The following PRPH2 variants were observed in gnomAD, a reference collection of about 807,000 sequenced individuals.
The protein encoded by PRPH2 is peripherin 2.
A neutral mutation model predicts 31.3 loss-of-function variants in PRPH2; 17 were observed. The observed-to-expected ratio is 0.54, with a 90% CI of 0.37 to 0.81. PRPH2 has a LOEUF of 0.81. Among genes scored for constraint, PRPH2 ranks in the 40% least tolerant of loss-of-function variants. The probability of loss-of-function intolerance (pLI) is 0.00; values close to 1 mark genes in which losing one functional copy is unlikely to be tolerated. For missense variants in PRPH2, 430 were observed against 439.7 expected (o/e 0.98, Z 0.20); for synonymous variants, 165 against 184.4 (o/e 0.89, Z 0.85).
chr6:42,703,154 C>T (rs986128050), intron 2 of PRPH2, among the ~76,000 whole-genome samples: 2 of 146,172 alleles, frequency 1.4e-5, no homozygotes, highest in African/African-American at 5.1e-5. Context: ...CGATCATGCC[C>T]CTGCACTCCA....
chr6:42,704,771 G>A (rs758099033), intron 1 of PRPH2, among the ~76,000 whole-genome samples, 160 bp from the exon 2 acceptor site: 2 of 152,198 alleles, frequency 1.3e-5, no homozygotes, highest in South Asian at 2.1e-4. Context: ...TGTTCTAGGC[G>A]CTGAAGACAA....
chr6:42,708,678 C>T (rs906434761), intron 1 of PRPH2, among the ~76,000 whole-genome samples: 1 of 152,204 alleles, frequency 6.6e-6, no homozygotes, highest in Admixed American at 6.5e-5. Context: ...GTCCCTGGAG[C>T]CTTCCCCTCA....
At chr6:42,701,067 C>T (rs2152004417) in intron 2 of PRPH2, among the ~76,000 whole-genome samples, 1 of 151,658 alleles carries the variant, frequency 6.6e-6, no homozygotes, top group East Asian at 1.9e-4. Context: ...GCCTTGACCT[C>T]CAGGGCTCAG....
rs1761926203 is a variant in PRPH2 at position 42,722,523 on chromosome 6, G to A, written c.-189C>T. 4 of 1,464,468 alleles carry A rather than the reference G, an allele frequency of 2.7e-6. No individual in the cohort carries two copies. The highest frequency in any genetic ancestry group is 2.8e-5 in the South Asian group (2 of 72,162). 90.7% of individuals were successfully genotyped at this position (1,464,468 alleles called of 1,614,324 possible). A position where few individuals can be genotyped will look rare whatever the true frequency, so the allele number is the denominator to read the frequency against. On this transcript the variant is annotated 5_prime_UTR_variant, in exon 1 of 3. Transcript: ENST00000230381. The surrounding 1 kb of genome is among the most constrained non-coding windows in gnomAD (Gnocchi z 4.4). ...CCCCGTGAATGCAGTAGTGGTGGCAGGGGTCTCGGAATCACAGCTTGAGCA... is the reference window on the plus strand; with the variant it reads ...CCCCGTGAATGCAGTAGTGGTGGCAAGGGTCTCGGAATCACAGCTTGAGCA...
At chr6:42,719,553 G>A (rs1195416491) in intron 1 of PRPH2, among the ~76,000 whole-genome samples, 2 of 148,878 alleles carry the variant, frequency 1.3e-5, no homozygotes, top group Admixed American at 1.4e-4. Context: ...TTACAAAATG[G>A]AACACTAAAT....
chr6:42,712,043 T>A (rs1761667589), intron 1 of PRPH2: 1 of 883,096 alleles, frequency 1.1e-6, no homozygotes, highest in Non-Finnish European at 1.4e-6. Flanking sequence ...TTGCCACAAC[T>A]GAGCCTGATC....
intron 1 of PRPH2, among the ~76,000 whole-genome samples, chr6:42,715,288 T>C (rs2152008639): frequency 6.6e-6 from 1 of 152,190 alleles, no homozygotes; most frequent in Admixed American, 6.5e-5. Flanking sequence ...AGGATAAATG[T>C]GGGTCATTTC....
rs780954441 is a variant in PRPH2 at position 42,722,293 on chromosome 6, G to A, written c.42C>T (p.Val14=). 4.3e-6 allele frequency: 7 copies of A among 1,614,096 alleles called. No individual in the cohort carries two copies. In the South Asian group the frequency reaches 7.7e-5, roughly 18 times the overall value. Residue 14 remains valine, a synonymous_variant, in exon 1 of 3, where the codon GTC becomes GTT. Transcript: ENST00000230381. This position sits in a 1 kb window ranked among gnomAD's most constrained non-coding sequence, Gnocchi z 4.4. ...TGAGCCAGAGCCCTTGGGCCAACTT[G>A]ACCCGCTTCTTCTGGTCAAACTTGA... ...LKVKFDQKKR[V]KLAQGLWLMN... is the part of the protein sequence containing the mutation.
At chr6:42,703,525 T>C (rs1800085224) in intron 2 of PRPH2, among the ~76,000 whole-genome samples, 1 of 152,166 alleles carries the variant, frequency 6.6e-6, no homozygotes. Context: ...AAGACCTCGG[T>C]ACCAAAAAGT....
chr6:42,711,669 C>T, intron 1 of PRPH2: 1 of 812,130 alleles, frequency 1.2e-6, no homozygotes, highest in South Asian at 5.6e-5. Context: ...CAAAGAGTTC[C>T]CGTCTGAGAG....
At chr6:42,701,908 A>G (rs2152004588) in intron 2 of PRPH2, among the ~76,000 whole-genome samples, 1 of 152,012 alleles carries the variant, frequency 6.6e-6, no homozygotes, top group Middle Eastern at 3.4e-3. Flanking sequence ...TCAGCGACCA[A>G]TAAATAGTCA....
rs537532190 is a variant in PRPH2 at position 42,715,500 on chromosome 6, G to A, written c.581+6254C>T. Among the ~76,000 whole-genome samples the A allele has an allele frequency of 7.0e-4, 106 of 151,812 alleles. 1 individual carries two copies. Among genetic ancestry groups the A allele is most frequent in the Admixed American group, 6.7e-3 (102 of 15,228 alleles). ...AGCCTGACCAACATGGTGAAACCCC[G>A]TCTCTACTAAAAATACAAAAATTAG... On this transcript the variant is annotated intron_variant, in intron 1 of 2. Coordinates refer to ENST00000230381, the MANE Select transcript of PRPH2 (RefSeq NM_000322.5).
chr6:42,712,922 G>A (rs932244820), intron 1 of PRPH2, among the ~76,000 whole-genome samples: 11 of 151,872 alleles, frequency 7.2e-5, no homozygotes, highest in Non-Finnish European at 1.5e-4. Flanking sequence ...TAAGATAAAA[G>A]AGCATCAGTT....
chr6:42,712,235 G>A (rs2152007584), intron 1 of PRPH2, among the ~76,000 whole-genome samples: 1 of 152,306 alleles, frequency 6.6e-6, no homozygotes, highest in Middle Eastern at 3.4e-3. Context: ...TAGTAAAACA[G>A]ACAGGAAACC....
In PRPH2 at chr6:42,704,470, C is replaced by T. The variant is rs1170036311; in HGVS notation, c.723G>A (p.Glu241=). The part of the protein sequence containing the change: ...SAHYSYDHQT[E]ELNLWVRGCR... Reference sequence around the variant, plus strand: ...AGCCACGCACCCACAGGTTGAGCTCCTCCGTCTGGTGGTCGTAACTGTAGT... The same window carrying T: ...AGCCACGCACCCACAGGTTGAGCTCTTCCGTCTGGTGGTCGTAACTGTAGT... The change falls in exon 2 of 3, where the codon GAG becomes GAA. Residue 241 remains glutamate (E), a synonymous_variant. Coordinates refer to ENST00000230381, the MANE Select transcript of PRPH2 (RefSeq NM_000322.5). 4 of 1,613,834 alleles carry T rather than the reference C, an allele frequency of 2.5e-6. No homozygotes were observed. Among genetic ancestry groups the T allele is most frequent in the Admixed American group, 1.7e-5 (1 of 59,934 alleles).
Position 42,708,133 on chromosome 6 carries a change from G to T in PRPH2, c.582-3522C>A, listed in dbSNP as rs143529514. 9.2e-5 allele frequency among the ~76,000 whole-genome samples: 14 copies of T among 152,348 alleles called. No individual in the cohort carries two copies. The East Asian group carries it at 2.7e-3, about 29-fold the overall frequency. ...GTGGTACTCTGAGCACCTGGGAGCT[G>T]ACATCAGGTTGTAAGAACAGAGCCC... On this transcript the variant is annotated intron_variant, in intron 1 of 2. Transcript: ENST00000230381.
intron 1 of PRPH2, among the ~76,000 whole-genome samples, chr6:42,715,672 A>AAAAACAAAAC (rs752126783): frequency 1.3e-5 from 2 of 152,210 alleles, no homozygotes; most frequent in Non-Finnish European, 2.9e-5. Flanking sequence ...CTCCATTTCA[A>AAAAACAAAAC]AAAACAAAAC....
chr6:42,703,072 A>G (rs1800076570), intron 2 of PRPH2, among the ~76,000 whole-genome samples: 1 of 151,340 alleles, frequency 6.6e-6, no homozygotes, highest in Non-Finnish European at 1.5e-5. Context: ...GCATGTGCCT[A>G]TAGTCCTAGC....
intron 1 of PRPH2, among the ~76,000 whole-genome samples, chr6:42,714,605 T>A (rs1761736853): frequency 6.6e-6 from 1 of 152,168 alleles, no homozygotes; most frequent in Non-Finnish European, 1.5e-5. Context: ...CTGCCTCAAT[T>A]TCTTGGGCTC....
Sources: allele counts gnomAD v4.1 joint callset (sites outside exome capture counted in the v4.1 genomes callset), GRCh38; gene constraint gnomAD v4.1.1; non-coding constraint Gnocchi (gnomAD v3.1); transcripts MANE v1.5; gene names NCBI Gene and HGNC (gene_info 2026-07-23, HGNC 2026-07-21).